The following CFAP210 variants were observed in gnomAD, a reference collection of about 807,000 sequenced individuals.
The protein encoded by CFAP210 is cilia and flagella associated protein 210.
At chr2:169,678,130 C>T in the CFAP210 span, among the ~76,000 whole-genome samples, 2 of 151,706 alleles carry the variant, frequency 1.3e-5, no homozygotes, top group Admixed American at 6.6e-5. Context: ...CATCTGAGGT[C>T]GGGAGTTCGA....
chr2:169,647,878 C>T, the CFAP210 span, among the ~76,000 whole-genome samples: 5 of 151,946 alleles, frequency 3.3e-5, no homozygotes, highest in South Asian at 4.2e-4. Context: ...AAATGGAGGC[C>T]GGGCACAGTG....
the CFAP210 span, chr2:169,662,503 A>C: frequency 2.2e-6 from 3 of 1,339,314 alleles, 1 homozygote; most frequent in South Asian, 4.4e-5. Flanking sequence ...TAAGAAATGA[A>C]TTCAATTCCA....
the CFAP210 span, among the ~76,000 whole-genome samples, chr2:169,680,136 G>A: frequency 6.6e-6 from 1 of 152,146 alleles, no homozygotes; most frequent in Non-Finnish European, 1.5e-5. Context: ...TATACTGATA[G>A]AAAATAAGTT....
At chr2:169,646,758 A>G in the CFAP210 span, among the ~76,000 whole-genome samples, 4 of 152,222 alleles carry the variant, frequency 2.6e-5, no homozygotes, top group Non-Finnish European at 5.9e-5. Context: ...GCCAAAAGCC[A>G]ATTTACCAAT....
At chr2:169,654,096 T>C in the CFAP210 span, 7 of 1,610,218 alleles carry the variant, frequency 4.3e-6, no homozygotes, top group African/African-American at 4.0e-5. Flanking sequence ...AGCCTCTTTT[T>C]CTTTCCCCAT....
the CFAP210 span, among the ~76,000 whole-genome samples, chr2:169,651,313 T>G: frequency 6.6e-6 from 1 of 151,804 alleles, no homozygotes; most frequent in Non-Finnish European, 1.5e-5. Flanking sequence ...GAGGACTGCT[T>G]GAGCCCAGGG....
the CFAP210 span, among the ~76,000 whole-genome samples, chr2:169,665,885 C>G: frequency 6.6e-6 from 1 of 152,078 alleles, no homozygotes; most frequent in Non-Finnish European, 1.5e-5. Context: ...CTCCCACCAG[C>G]CTGACTCCTT....
chr2:169,669,497 T>C, the CFAP210 span, among the ~76,000 whole-genome samples: 6 of 152,008 alleles, frequency 3.9e-5, no homozygotes, highest in East Asian at 3.9e-4. Flanking sequence ...GTGAGGCCAA[T>C]TAAGAGACTG....
At chr2:169,680,936 G>T in the CFAP210 span, 1 of 1,265,366 alleles carries the variant, frequency 7.9e-7, no homozygotes, top group Non-Finnish European at 1.1e-6. Context: ...TTTATAAAAA[G>T]AAGCATAAGA....
chr2:169,683,440 A>G, the CFAP210 span, among the ~76,000 whole-genome samples: 4 of 152,226 alleles, frequency 2.6e-5, no homozygotes, highest in Non-Finnish European at 5.9e-5. Flanking sequence ...TGCCTAAACC[A>G]GCTCAGCTTG....
the CFAP210 span, among the ~76,000 whole-genome samples, chr2:169,689,222 A>G: frequency 2.0e-5 from 3 of 152,216 alleles, no homozygotes; most frequent in African/African-American, 7.2e-5. Flanking sequence ...ATTCAAGTTG[A>G]GATTTGGGTC....
At chr2:169,688,477 C>G in the CFAP210 span, among the ~76,000 whole-genome samples, 1 of 152,122 alleles carries the variant, frequency 6.6e-6, no homozygotes, top group Non-Finnish European at 1.5e-5. Context: ...CTCTGTTTCC[C>G]TTTTAAAACT....
At chr2:169,678,747 C>T in the CFAP210 span, among the ~76,000 whole-genome samples, 1 of 151,968 alleles carries the variant, frequency 6.6e-6, no homozygotes, top group Non-Finnish European at 1.5e-5. Flanking sequence ...ATTGCTTGAA[C>T]CCGGGAGGTG....
the CFAP210 span, among the ~76,000 whole-genome samples, chr2:169,677,564 C>T: frequency 6.6e-6 from 1 of 152,180 alleles, no homozygotes; most frequent in Non-Finnish European, 1.5e-5. Flanking sequence ...TAGAAGGCAA[C>T]TTCAACTTGA....
the CFAP210 span, among the ~76,000 whole-genome samples, chr2:169,685,599 G>A: frequency 1.3e-5 from 2 of 152,168 alleles, no homozygotes; most frequent in African/African-American, 4.8e-5. Flanking sequence ...TAATACTAAA[G>A]TTTTTAATTT....
chr2:169,674,942 T>C, the CFAP210 span: 5 of 1,542,002 alleles, frequency 3.2e-6, no homozygotes, highest in East Asian at 1.2e-4. Flanking sequence ...TTCTTTTTCC[T>C]TGTTTGTATA....
At chr2:169,690,165 T>A in the CFAP210 span, among the ~76,000 whole-genome samples, 1 of 152,120 alleles carries the variant, frequency 6.6e-6, no homozygotes. Context: ...CACATCTAGC[T>A]CATGTGCTAA....
the CFAP210 span, among the ~76,000 whole-genome samples, chr2:169,661,779 T>A: frequency 5.3e-5 from 8 of 152,204 alleles, no homozygotes; most frequent in Non-Finnish European, 1.2e-4. Flanking sequence ...AAACCCAACT[T>A]AATAGCAACT....
the CFAP210 span, among the ~76,000 whole-genome samples, chr2:169,669,733 C>T: frequency 2.0e-5 from 3 of 149,420 alleles, no homozygotes; most frequent in African/African-American, 7.5e-5. Context: ...CAAGATCGCA[C>T]CACTGCACTC....
Sources: allele counts gnomAD v4.1 joint callset (sites outside exome capture counted in the v4.1 genomes callset), GRCh38; gene constraint gnomAD v4.1.1; transcripts MANE v1.5; gene names NCBI Gene and HGNC (gene_info 2026-07-23, HGNC 2026-07-21).